ZSWIM5: variants seen among roughly 807,000 people sequenced by gnomAD.
The protein encoded by ZSWIM5 is zinc finger SWIM domain-containing protein 5.
ZSWIM5 carries 55 observed loss-of-function variants against 119.6 expected under a neutral mutation model. That is an observed-to-expected ratio of 0.46 (90% CI 0.37 to 0.58). The LOEUF is 0.58. Ranked by LOEUF, ZSWIM5 falls within the 20% of genes least tolerant of loss-of-function variation. The probability of loss-of-function intolerance (pLI) is 0.00; values close to 1 mark genes in which losing one functional copy is unlikely to be tolerated. For synonymous variants in ZSWIM5, 537 were observed against 606.9 expected (o/e 0.88, Z 1.69); for missense variants, 1,193 against 1,512.8 (o/e 0.79, Z 3.51).
intron 11 of ZSWIM5, among the ~76,000 whole-genome samples, chr1:45,033,979 C>T (rs1406154412): frequency 6.6e-6 from 1 of 152,004 alleles, no homozygotes; most frequent in Admixed American, 6.5e-5. Context: ...CTCAGCCTCC[C>T]GAGTAGCTGG....
At chr1:45,110,455 G>A (rs1008182204) in intron 1 of ZSWIM5, among the ~76,000 whole-genome samples, 7 of 152,174 alleles carry the variant, frequency 4.6e-5, no homozygotes, top group African/African-American at 1.4e-4. Flanking sequence ...GAATGCTGGT[G>A]AAGAAGAGAG....
chr1:45,099,900 A>G (rs1178227386), intron 1 of ZSWIM5, among the ~76,000 whole-genome samples: 1 of 152,194 alleles, frequency 6.6e-6, no homozygotes, highest in Non-Finnish European at 1.5e-5. Context: ...ACGTATCTCA[A>G]AATAATAAGA....
At chr1:45,185,963 G>A (rs1646055728) in intron 1 of ZSWIM5, among the ~76,000 whole-genome samples, 1 of 152,108 alleles carries the variant, frequency 6.6e-6, no homozygotes, top group Non-Finnish European at 1.5e-5. Flanking sequence ...TATGTTTATT[G>A]CGGCATTATT....
chr1:45,018,745 G>T lies in ZSWIM5; in HGVS notation c.3267C>A (p.Ala1089=). ...RRCTVTAPGL[A]GIPGRRSSGK... ...CAGAGCTTCGGCGGCCTGGGATGCC[G>T]GCCAGGCCAGGTGCAGTCACTGTGC... Residue 1089 remains alanine, a synonymous_variant, in exon 14 of 14, where the codon GCC becomes GCA. Transcript: ENST00000359600. The surrounding 1 kb of genome is among the most constrained non-coding windows in gnomAD (Gnocchi z 6.7). The T allele has an allele frequency of 6.2e-7, 1 of 1,614,232 alleles. No individual in the cohort carries two copies. Among genetic ancestry groups the T allele is most frequent in the Non-Finnish European group, 8.5e-7 (1 of 1,180,044 alleles).
At chr1:45,142,366 T>C (rs940796337) in intron 1 of ZSWIM5, among the ~76,000 whole-genome samples, 1 of 151,966 alleles carries the variant, frequency 6.6e-6, no homozygotes, top group Non-Finnish European at 1.5e-5. Context: ...TTTGTTGTTA[T>C]TTTGAGTTAA....
At chr1:45,020,202 C>T in intron 12 of ZSWIM5, 55 bp from the exon 13 acceptor site, 1 of 1,409,634 alleles carries the variant, frequency 7.1e-7, no homozygotes, top group Non-Finnish European at 1.0e-6. Flanking sequence ...GTGACCTCTC[C>T]CTCCCCTTGC....
chr1:45,154,962 T>G (rs1363448047), intron 1 of ZSWIM5, among the ~76,000 whole-genome samples: 2 of 152,096 alleles, frequency 1.3e-5, no homozygotes, highest in South Asian at 2.1e-4. Flanking sequence ...AAGACAACAT[T>G]GGAAAAACCC....
At chr1:45,175,360 T>C (rs142930223) in intron 1 of ZSWIM5, among the ~76,000 whole-genome samples, 2 of 152,258 alleles carry the variant, frequency 1.3e-5, no homozygotes, top group East Asian at 3.9e-4. Flanking sequence ...CACTTTAAAG[T>C]TACCTTTTTC....
chr1:45,205,858 C>T lies in ZSWIM5; in HGVS notation c.493G>A (p.Gly165Ser). The change falls in exon 1 of 14, where the codon GGC becomes AGC. Residue 165 changes from glycine (G) to serine (S), a missense_variant. Gly to Ser is a moderately conservative substitution (Grantham distance 56, BLOSUM62 0). Transcript: ENST00000359600. ...CAGCCGGCCGCGCCGGCCCCTGCGCCCAGCCCGGGGGATGCCCCAGCCGCG... is the reference window on the plus strand; with the variant it reads ...CAGCCGGCCGCGCCGGCCCCTGCGCTCAGCCCGGGGGATGCCCCAGCCGCG... ...GVAAGASPGL[G>S]AGAGAAGCGG... 7.0e-7 allele frequency: 1 copy of T among 1,432,708 alleles called. No homozygotes were observed. The highest frequency in any genetic ancestry group is 1.3e-5 in the South Asian group (1 of 78,452). 88.7% of individuals were successfully genotyped at this position (1,432,708 alleles called of 1,614,324 possible). A position where few individuals can be genotyped will look rare whatever the true frequency, so the allele number is the denominator to read the frequency against.
intron 1 of ZSWIM5, among the ~76,000 whole-genome samples, chr1:45,123,772 G>T (rs1448938142): frequency 6.6e-6 from 1 of 152,088 alleles, no homozygotes; most frequent in Non-Finnish European, 1.5e-5. Flanking sequence ...AAACCCCAAA[G>T]AGGATTATAC....
chr1:45,180,773 C>T (rs1343870403), intron 1 of ZSWIM5, among the ~76,000 whole-genome samples: 1 of 152,100 alleles, frequency 6.6e-6, no homozygotes, highest in African/African-American at 2.4e-5. Context: ...ATTCACGGAT[C>T]ACGAAAATCT....
At chr1:45,146,046 G>C (rs1017462570) in intron 1 of ZSWIM5, among the ~76,000 whole-genome samples, 3 of 152,210 alleles carry the variant, frequency 2.0e-5, no homozygotes, top group Non-Finnish European at 4.4e-5. Context: ...AGGTGGCTCT[G>C]ATGAGAATGG....
At chr1:45,155,845 G>C (rs1337451416) in intron 1 of ZSWIM5, among the ~76,000 whole-genome samples, 3 of 152,142 alleles carry the variant, frequency 2.0e-5, no homozygotes, top group Admixed American at 2.0e-4. Flanking sequence ...AGGATGCAAA[G>C]GGATAAGAAG....
intron 1 of ZSWIM5, among the ~76,000 whole-genome samples, chr1:45,179,511 A>G (rs892330726): frequency 2.6e-5 from 4 of 152,184 alleles, no homozygotes; most frequent in African/African-American, 9.6e-5. Flanking sequence ...TACCTGGGTA[A>G]CAGATTCATT....
Position 45,184,494 on chromosome 1 carries a change from G to A in ZSWIM5, c.595+21262C>T, listed in dbSNP as rs865955289. On this transcript the variant is annotated intron_variant, in intron 1 of 13. Transcript: ENST00000359600. The stretch of plus-strand genomic sequence containing the variant: ...GCAGATGTCATGATTGTATATCTAG[G>A]AAACCCCATTGTCTCAGCCCAAAAT... 5.7e-3 allele frequency among the ~76,000 whole-genome samples: 871 copies of A among 152,124 alleles called. 9 individuals are homozygous for A. The highest frequency in any genetic ancestry group is 0.018 in the African/African-American group (743 of 41,484).
At chr1:45,179,321 T>C (rs1368512274) in intron 1 of ZSWIM5, among the ~76,000 whole-genome samples, 3 of 152,148 alleles carry the variant, frequency 2.0e-5, no homozygotes, top group African/African-American at 7.2e-5. Flanking sequence ...GAAACCATTA[T>C]GCTATGTTAA....
chr1:45,039,062 T>C lies in ZSWIM5; in HGVS notation c.1768A>G (p.Arg590Gly). The C allele has an allele frequency of 6.2e-7, 1 of 1,614,126 alleles. No homozygotes were observed. The highest frequency in any genetic ancestry group is 2.2e-5 in the East Asian group (1 of 44,884). ...YKHQKKELLQ[R>G]GTTTITNLEG... ...AGGTTTGTGATGGTTGTGGTTCCTCTCTGCAACAGTTCTGGAAACAAGCAG... is the reference window on the plus strand; with the variant it reads ...AGGTTTGTGATGGTTGTGGTTCCTCCCTGCAACAGTTCTGGAAACAAGCAG... The change falls in exon 8 of 14, where the codon AGA (arginine) becomes GGA (glycine). Residue 590 changes from arginine (R) to glycine (G), a missense_variant. Transcript: ENST00000359600.
At chr1:45,031,165 T>C in intron 11 of ZSWIM5, among the ~76,000 whole-genome samples, 1 of 135,606 alleles carries the variant, frequency 7.4e-6, no homozygotes, top group Admixed American at 8.7e-5. Flanking sequence ...TGATTTTTGC[T>C]CTGATTTTTT....
At chr1:45,193,220 C>T (rs1394996009) in intron 1 of ZSWIM5, among the ~76,000 whole-genome samples, 1 of 152,316 alleles carries the variant, frequency 6.6e-6, no homozygotes, top group East Asian at 1.9e-4. Context: ...ATCCCCAACA[C>T]AGCTCAGATT....
Sources: allele counts gnomAD v4.1 joint callset (sites outside exome capture counted in the v4.1 genomes callset), GRCh38; gene constraint gnomAD v4.1.1; non-coding constraint Gnocchi (gnomAD v3.1); transcripts MANE v1.5; gene names NCBI Gene and HGNC (gene_info 2026-07-23, HGNC 2026-07-21).